Variants in SCD5 observed in about 807,000 individuals in gnomAD.
SCD5 encodes stearoyl-CoA desaturase 5.
SCD5 carries 20 observed loss-of-function variants against 30.4 expected under a neutral mutation model. That is an observed-to-expected ratio of 0.66 (90% confidence interval 0.46 to 0.96). SCD5 has a LOEUF of 0.96. SCD5 is among the 40% of genes least tolerant of loss of function. The pLI, the probability that SCD5 is intolerant of heterozygous loss-of-function variation, is 0.00. For synonymous variants in SCD5, 173 were observed against 176.4 expected (o/e 0.98, Z 0.16); for missense variants, 381 against 443.3 (o/e 0.86, Z 1.26).
chr4:82,702,130 C>CTTTTTTTTTTTTTTTTTTTTTT (rs10701664), intron 2 of SCD5, among the ~76,000 whole-genome samples: 2 of 64,116 alleles, frequency 3.1e-5, no homozygotes, highest in South Asian at 1.1e-3. Flanking sequence ...CCATCATCAT[C>CTTTTTTTTTTTTTTTTTTTTTT]TTTTTTTTTT....
intron 1 of SCD5, among the ~76,000 whole-genome samples, chr4:82,769,975 ATT>A (rs2148848128): frequency 6.6e-6 from 1 of 152,188 alleles, no homozygotes; most frequent in Non-Finnish European, 1.5e-5. Flanking sequence ...ACTGAAATGC[ATT>A]TGTTTTTCCC....
intron 1 of SCD5, among the ~76,000 whole-genome samples, chr4:82,737,949 A>G (rs1229136575): frequency 1.1e-5 from 1 of 93,374 alleles, no homozygotes; most frequent in African/African-American, 3.2e-5. Flanking sequence ...AGGTCAATCT[A>G]ATTAGCTAAA....
intron 1 of SCD5, among the ~76,000 whole-genome samples, chr4:82,792,008 A>G (rs1433593863): frequency 6.6e-6 from 1 of 152,240 alleles, no homozygotes; most frequent in Non-Finnish European, 1.5e-5. Context: ...CTATAATCCC[A>G]GCACTTTGGG....
chr4:82,722,713 C>T (rs1720394382), intron 1 of SCD5, among the ~76,000 whole-genome samples: 1 of 150,812 alleles, frequency 6.6e-6, no homozygotes, highest in Admixed American at 6.6e-5. Context: ...TGCAGTGAGC[C>T]GAAATTGCAC....
intron 1 of SCD5, among the ~76,000 whole-genome samples, chr4:82,743,565 G>C (rs1312184701): frequency 2.0e-5 from 3 of 152,008 alleles, no homozygotes; most frequent in Non-Finnish European, 4.4e-5. Flanking sequence ...ATGCCACCCA[G>C]GCTGGAGTGC....
At chr4:82,697,750 TTC>T (rs1219396713) in intron 2 of SCD5, among the ~76,000 whole-genome samples, 2 of 152,278 alleles carry the variant, frequency 1.3e-5, no homozygotes, top group African/African-American at 4.8e-5. Context: ...CTGGTTTCCT[TTC>T]TCTCTCTCTT....
Position 82,710,476 on chromosome 4 carries a change from CT to C in SCD5, c.233-5064del, listed in dbSNP as rs149100238. 9.8e-4 allele frequency among the ~76,000 whole-genome samples: 149 copies of C among 152,222 alleles called. 2 individuals are homozygous for C. In the East Asian group the frequency reaches 0.026, roughly 27 times the overall value. On this transcript the variant is annotated intron_variant, in intron 1 of 4. Transcript: ENST00000319540. ...TCCCTTTGATGGTGAGAGCTGCCCCCTAGGCTCTCAGCTGCAGAGTCTTTGA... is the reference window on the plus strand; with the variant it reads ...TCCCTTTGATGGTGAGAGCTGCCCCCAGGCTCTCAGCTGCAGAGTCTTTGA...
chr4:82,797,582 A>T (rs924065759), intron 1 of SCD5, among the ~76,000 whole-genome samples: 1 of 151,972 alleles, frequency 6.6e-6, no homozygotes, highest in African/African-American at 2.4e-5. Flanking sequence ...ACATGGGAAC[A>T]GGGTTTGGAG....
intron 1 of SCD5, among the ~76,000 whole-genome samples, chr4:82,751,312 C>T (rs1721096713): frequency 6.6e-6 from 1 of 152,134 alleles, no homozygotes; most frequent in Non-Finnish European, 1.5e-5. Context: ...CCTCCCACAT[C>T]AGCCTCCTTA....
intron 3 of SCD5, among the ~76,000 whole-genome samples, chr4:82,675,630 T>C (rs1191543326): frequency 6.6e-6 from 1 of 152,202 alleles, no homozygotes; most frequent in East Asian, 1.9e-4. Flanking sequence ...ACTTTAAAAA[T>C]GCATGACAGC....
chr4:82,665,249 AAG>A (rs1478617663), intron 3 of SCD5, among the ~76,000 whole-genome samples: 2 of 140,812 alleles, frequency 1.4e-5, no homozygotes, highest in East Asian at 2.1e-4. Context: ...AAAAAAAAAA[AAG>A]AGTTCCAAAG....
At chr4:82,670,116 G>T (rs1245637642) in intron 3 of SCD5, among the ~76,000 whole-genome samples, 1 of 151,962 alleles carries the variant, frequency 6.6e-6, no homozygotes, top group African/African-American at 2.4e-5. Context: ...AAATTATAAG[G>T]CATAATAAAA....
chr4:82,722,658 GA>G, intron 1 of SCD5, among the ~76,000 whole-genome samples: 1 of 105,758 alleles, frequency 9.5e-6, no homozygotes, highest in Non-Finnish European at 1.8e-5. Flanking sequence ...CCCAGCTACT[GA>G]GGAGCTGAGG....
At position 82,661,029 on chromosome 4, in the gene SCD5, C is replaced by T. The variant is rs140094740; in HGVS notation, c.569+19678G>A. 1.0e-4 allele frequency: 164 copies of T among 1,614,024 alleles called. No homozygotes were observed. The African/African-American group carries it at 1.2e-3, about 12-fold the overall frequency. Reference sequence around the variant, plus strand: ...GATGCCATTCACGAAGCATCTCACACGCTGCCTCTTGATTGAGAGCTCTTC... The same window carrying T: ...GATGCCATTCACGAAGCATCTCACATGCTGCCTCTTGATTGAGAGCTCTTC... On this transcript the variant is annotated intron_variant, in intron 3 of 4. Coordinates refer to ENST00000319540, the MANE Select transcript of SCD5 (RefSeq NM_001037582.3).
At chr4:82,788,233 C>T (rs945940550) in intron 1 of SCD5, among the ~76,000 whole-genome samples, 9 of 152,148 alleles carry the variant, frequency 5.9e-5, no homozygotes, top group African/African-American at 2.2e-4. Context: ...TCTTCCTCTT[C>T]CATTTAAAAG....
chr4:82,753,509 G>A (rs1056417022), intron 1 of SCD5: 7 of 456,028 alleles, frequency 1.5e-5, no homozygotes, highest in Non-Finnish European at 3.2e-5. Context: ...ACATCTGCCA[G>A]GAGTGTGGCT....
chr4:82,668,241 G>T (rs1473749284), intron 3 of SCD5, among the ~76,000 whole-genome samples: 1 of 152,178 alleles, frequency 6.6e-6, no homozygotes, highest in Non-Finnish European at 1.5e-5. Flanking sequence ...AGACTATAGG[G>T]AGAGAAAGAG....
intron 1 of SCD5, among the ~76,000 whole-genome samples, chr4:82,730,477 T>C (rs902857063): frequency 2.7e-5 from 4 of 150,772 alleles, no homozygotes; most frequent in Non-Finnish European, 5.9e-5. Context: ...TTTGTATTTT[T>C]AGTAGAAACG....
At chr4:82,781,015 A>G (rs1469031569) in intron 1 of SCD5, among the ~76,000 whole-genome samples, 1 of 152,172 alleles carries the variant, frequency 6.6e-6, no homozygotes, top group East Asian at 1.9e-4. Context: ...CACTCACATA[A>G]TTGAAAGGGA....
Sources: allele counts gnomAD v4.1 joint callset (sites outside exome capture counted in the v4.1 genomes callset), GRCh38; gene constraint gnomAD v4.1.1; transcripts MANE v1.5; gene names NCBI Gene and HGNC (gene_info 2026-07-23, HGNC 2026-07-21).